NRXN1: variants seen among roughly 807,000 people sequenced by gnomAD.
NRXN1 encodes the protein neurexin-1.
Under a neutral mutation model 150.9 loss-of-function variants are expected in NRXN1, and 39 were observed. That is an observed-to-expected ratio of 0.26 (90% confidence interval 0.20 to 0.34). The LOEUF (loss-of-function observed/expected upper bound fraction) is 0.34, where lower values mean the gene tolerates loss of function less well. Ranked by LOEUF, NRXN1 falls within the 10% of genes least tolerant of loss-of-function variation. The pLI, the probability that NRXN1 is intolerant of heterozygous loss-of-function variation, is 1.00. For synonymous variants in NRXN1, 924 were observed against 757.0 expected, an observed-to-expected ratio of 1.22 and a Z score of -3.62; for missense variants, 1,815 against 1,949.9, an observed-to-expected ratio of 0.93 and a Z score of 1.30.
chr2:50,525,241 G>A lies in NRXN1; in HGVS notation c.2374+3384C>T, dbSNP rs946180364. Among the ~76,000 whole-genome samples, 7 of 152,298 alleles carry A rather than the reference G, an allele frequency of 4.6e-5. No individual in the cohort carries two copies. In the East Asian group the frequency reaches 1.4e-3, roughly 29 times the overall value. On this transcript the variant is annotated intron_variant, in intron 12 of 22. Transcript: ENST00000401669. ...CAATATGATTTAAGGTTTCAACAAT[G>A]ATTTGTTAATATTTAGTTTTTGTTA...
At chr2:50,885,402 C>A (rs114562253) in intron 5 of NRXN1, among the ~76,000 whole-genome samples, 5,389 of 149,680 alleles carry the variant, frequency 0.036, 173 homozygotes, top group East Asian at 0.086. Context: ...AAAAAACCCA[C>A]AAGTGATATC....
At chr2:50,371,642 T>G (rs1159449560) in intron 17 of NRXN1, among the ~76,000 whole-genome samples, 1 of 152,012 alleles carries the variant, frequency 6.6e-6, no homozygotes, top group East Asian at 1.9e-4. Flanking sequence ...CTTCAAAATT[T>G]TATGCAAATT....
At chr2:50,940,826 T>C (rs1161962804) in intron 2 of NRXN1, among the ~76,000 whole-genome samples, 1 of 152,178 alleles carries the variant, frequency 6.6e-6, no homozygotes, top group Non-Finnish European at 1.5e-5. Context: ...CAATAACCCC[T>C]GTCCCCAAAA....
chr2:50,916,501 A>C (rs1460966663), intron 5 of NRXN1, among the ~76,000 whole-genome samples: 3 of 150,880 alleles, frequency 2.0e-5, no homozygotes, highest in Non-Finnish European at 4.4e-5. Context: ...AAAAAAGTAC[A>C]TTTGCAAATG....
At chr2:51,021,385 T>G (rs1020524286) in intron 2 of NRXN1, among the ~76,000 whole-genome samples, 1 of 151,942 alleles carries the variant, frequency 6.6e-6, no homozygotes, top group South Asian at 2.1e-4. Context: ...TATTTTCAGG[T>G]ACTAATGTGT....
intron 17 of NRXN1, among the ~76,000 whole-genome samples, chr2:50,357,528 G>A (rs557115175): frequency 1.3e-5 from 2 of 151,852 alleles, no homozygotes; most frequent in East Asian, 2.0e-4. Flanking sequence ...GGCTGATCTC[G>A]AACTCCCAAC....
chr2:50,105,140 G>A (rs1194370439), intron 18 of NRXN1: 1 of 152,008 alleles, frequency 6.6e-6, no homozygotes, highest in Non-Finnish European at 1.5e-5. Flanking sequence ...AGAAGTAGTA[G>A]GGGCCAGATG....
At chr2:50,392,065 G>T (rs1212786490) in intron 17 of NRXN1, among the ~76,000 whole-genome samples, 1 of 152,090 alleles carries the variant, frequency 6.6e-6, no homozygotes, top group Non-Finnish European at 1.5e-5. Flanking sequence ...AATCATTGAG[G>T]TGTCCCTCTC....
chr2:50,901,472 A>G (rs1682934461), intron 5 of NRXN1, among the ~76,000 whole-genome samples: 1 of 151,972 alleles, frequency 6.6e-6, no homozygotes, highest in South Asian at 2.1e-4. Flanking sequence ...AGGAGGTAGA[A>G]CTTGCAGTGA....
chr2:50,931,969 C>T (rs187629919), intron 2 of NRXN1, among the ~76,000 whole-genome samples: 5 of 152,080 alleles, frequency 3.3e-5, no homozygotes, highest in East Asian at 2.0e-4. Flanking sequence ...TCAAGCAATT[C>T]TCCTGCCTCA....
rs141312451 is a variant in NRXN1, at chr2:50,885,745, T to A, written c.832+36124A>T. Among the ~76,000 whole-genome samples the A allele has an allele frequency of 7.7e-3, 1,157 of 151,126 alleles. 22 individuals carry two copies. Among genetic ancestry groups the A allele is most frequent in the African/African-American group, 0.025 (1,032 of 41,338 alleles). ...GCCTGATGATGATATTAGAAAATAA[T>A]CTAAATTAAGAACTCTTGGATAAGT... On this transcript the variant is annotated intron_variant, in intron 5 of 22. Coordinates refer to ENST00000401669, the MANE Select transcript of NRXN1 (RefSeq NM_001330078.2).
chr2:50,282,324 A>G (rs1340216929), intron 17 of NRXN1, among the ~76,000 whole-genome samples: 1 of 152,196 alleles, frequency 6.6e-6, no homozygotes, highest in Non-Finnish European at 1.5e-5. Flanking sequence ...TCAGCAATGT[A>G]GAGTATTTTT....
At chr2:50,122,169 C>T (rs1703952512) in intron 18 of NRXN1, among the ~76,000 whole-genome samples, 1 of 152,254 alleles carries the variant, frequency 6.6e-6, no homozygotes, top group South Asian at 2.1e-4. Context: ...CATTTGTTTA[C>T]CAAAATCTAT....
chr2:50,925,167 C>G (rs1398867675), intron 3 of NRXN1, among the ~76,000 whole-genome samples: 1 of 151,728 alleles, frequency 6.6e-6, no homozygotes, highest in African/African-American at 2.4e-5. Flanking sequence ...GTTCTTTTTG[C>G]ATGTTAACAC....
At chr2:50,418,774 G>C (rs2083747371) in intron 17 of NRXN1, among the ~76,000 whole-genome samples, 1 of 151,724 alleles carries the variant, frequency 6.6e-6, no homozygotes, top group Admixed American at 6.6e-5. Flanking sequence ...GGCAAAATAT[G>C]CATATATTTT....
chr2:50,397,967 C>T (rs17040569), intron 17 of NRXN1, among the ~76,000 whole-genome samples: 42,171 of 151,942 alleles, frequency 0.28, 6,088 homozygotes, highest in East Asian at 0.43. Context: ...ACACTCAAAA[C>T]AAGATAAAAT....
intron 21 of NRXN1, among the ~76,000 whole-genome samples, chr2:49,947,514 CTTTTTTTTT>C (rs199991365): frequency 9.2e-6 from 1 of 109,002 alleles, no homozygotes; most frequent in African/African-American, 3.3e-5. Flanking sequence ...TTTTTTTTTT[CTTTTTTTTT>C]TTTTTTTTGT....
At chr2:50,940,621 T>C (rs2104481099) in intron 2 of NRXN1, among the ~76,000 whole-genome samples, 1 of 152,228 alleles carries the variant, frequency 6.6e-6, no homozygotes, top group South Asian at 2.1e-4. Flanking sequence ...AGACTTCAGA[T>C]AACAAACAAG....
At chr2:50,453,949 A>C (rs1163885831) in intron 17 of NRXN1, among the ~76,000 whole-genome samples, 1 of 152,206 alleles carries the variant, frequency 6.6e-6, no homozygotes, top group African/African-American at 2.4e-5. Flanking sequence ...CCGTAGTATC[A>C]GCTAATCAGT....
Sources: allele counts gnomAD v4.1 joint callset (sites outside exome capture counted in the v4.1 genomes callset), GRCh38; gene constraint gnomAD v4.1.1; transcripts MANE v1.5; gene names NCBI Gene and HGNC (gene_info 2026-07-23, HGNC 2026-07-21).